Variants in TJAP1 observed in about 807,000 individuals in gnomAD.
TJAP1 encodes tight junction associated protein 1.
In TJAP1, 27 loss-of-function variants were observed where a neutral mutation model predicts 42.0. The observed-to-expected ratio is 0.64, with a 90% CI of 0.47 to 0.89. The LOEUF (loss-of-function observed/expected upper bound fraction) is 0.89, where lower values mean the gene tolerates loss of function less well. Among genes scored for constraint, TJAP1 ranks in the 40% least tolerant of loss-of-function variants. TJAP1 has a pLI of 0.00. For synonymous variants in TJAP1, 257 were observed against 288.4 expected, an observed-to-expected ratio of 0.89 and a Z score of 1.10; for missense variants, 712 against 726.9, an observed-to-expected ratio of 0.98 and a Z score of 0.24.
In TJAP1 at chr6:43,505,048, G is replaced by T. The variant is rs765524756; in HGVS notation, c.867G>T (p.Gly289=). The T allele has an allele frequency of 6.2e-7, 1 of 1,614,034 alleles. No homozygotes were observed. Among genetic ancestry groups the T allele is most frequent in the Admixed American group, 1.7e-5 (1 of 60,020 alleles). The stretch of plus-strand genomic sequence containing the variant: ...GCAGCCCCACCCCACAACCCAATGG[G>T]GAGTGCCACTCTCTGGGTACTGCCA... The change falls in exon 11 of 11, where the codon GGG becomes GGT. Residue 289 remains glycine, a synonymous_variant. Transcript: ENST00000372449. The surrounding 1 kb of genome is among the most constrained non-coding windows in gnomAD (Gnocchi z 5.5).
At chr6:43,501,290 A>C (rs1790454179) in intron 5 of TJAP1, 2 of 535,584 alleles carry the variant, frequency 3.7e-6, no homozygotes, top group Non-Finnish European at 6.6e-6. Flanking sequence ...GGGAGGCTGG[A>C]CTGTCCCCTA....
Position 43,502,076 on chromosome 6 carries a change from A to ACACTCTCTCT in TJAP1, c.291-206_291-205insACTCTCTCTC, listed in dbSNP as rs767085594. 4.1e-4 allele frequency among the ~76,000 whole-genome samples: 28 copies of ACACTCTCTCT among 68,956 alleles called. 4 individuals carry two copies. The highest frequency in any genetic ancestry group is 1.4e-3 in the African/African-American group (19 of 13,116). 45.2% of individuals were successfully genotyped at this position (68,956 alleles called of 152,430 possible). A position where few individuals can be genotyped will look rare whatever the true frequency, so the allele number is the denominator to read the frequency against. On this transcript the variant is annotated intron_variant, in intron 6 of 10. Transcript: ENST00000372449. Reference sequence around the variant, plus strand: ...CACACACACACACACACACACACACACTCTCTCTCTCTCTCTCTCTCTCTC... The same window carrying ACACTCTCTCT: ...CACACACACACACACACACACACACACACTCTCTCTCTCTCTCTCTCTCTCTCTCTCTCTC...
chr6:43,492,250 T>G lies in TJAP1; in HGVS notation c.-121-5631T>G, dbSNP rs1787974451. On this transcript the variant is annotated intron_variant, in intron 2 of 10. Transcript: ENST00000372449. This position sits in a 1 kb window ranked among gnomAD's most constrained non-coding sequence, Gnocchi z 4.2. ...GGGGCAGAATAATTCCCACTCTTTT[T>G]GGCTTTCAAAACCCTGTCAATCTGT... is the stretch of plus-strand genomic sequence containing the variant. 6.6e-6 allele frequency among the ~76,000 whole-genome samples: 1 copy of G among 152,194 alleles called. No homozygotes were observed. Among genetic ancestry groups the G allele is most frequent in the South Asian group, 2.1e-4 (1 of 4,832 alleles).
At chr6:43,497,439 G>C (rs542292566) in intron 2 of TJAP1, 1 of 152,354 alleles carries the variant, frequency 6.6e-6, no homozygotes, top group African/African-American at 2.4e-5. Context: ...GAAATGCTAG[G>C]TGCTCTCTTT....
Position 43,478,961 on chromosome 6 carries a change from A to C in TJAP1, c.-122+729A>C, listed in dbSNP as rs1784765086. Among the ~76,000 whole-genome samples, 3 of 152,162 alleles carry C rather than the reference A, an allele frequency of 2.0e-5. No homozygotes were observed. In the South Asian group the frequency reaches 6.2e-4, roughly 31 times the overall value. On this transcript the variant is annotated intron_variant, in intron 2 of 10. Coordinates refer to ENST00000372449, the Ensembl canonical transcript of TJAP1. ...GGTGATGCAAAGAAAGGATCATGGA[A>C]CTTGCTCTTTTCTTTTCTGGTAGTT...
Position 43,503,714 on chromosome 6 carries a change from G to C in TJAP1, c.579+8G>C. The C allele has an allele frequency of 6.2e-7, 1 of 1,612,498 alleles. No homozygotes were observed. The highest frequency in any genetic ancestry group is 8.5e-7 in the Non-Finnish European group (1 of 1,178,524). On this transcript the variant is annotated splice_region_variant and intron_variant, in intron 10 of 10. Transcript: ENST00000372449. ...AACCACAAGTTTGCCGATGTGAGTA[G>C]AACTCACCCCCTCCCTGCCCACATA...
At position 43,502,713 on chromosome 6, in the gene TJAP1, G is replaced by A. The variant is rs1791232519; in HGVS notation, c.387+96G>A. ...CCCTGGCTGTTACCCTGTGCCCCTT[G>A]AGTACACCCGCTCCTTTCTCTTCCC... On this transcript the variant is annotated intron_variant, in intron 8 of 10. Coordinates refer to ENST00000372449, the Ensembl canonical transcript of TJAP1. 3.0e-6 allele frequency: 4 copies of A among 1,312,068 alleles called. No homozygotes were observed. In the East Asian group the frequency reaches 1.0e-4, roughly 33 times the overall value. 81.3% of individuals were successfully genotyped at this position (1,312,068 alleles called of 1,614,324 possible).
In TJAP1 at chr6:43,501,909, ACACACACACACACACACACTCTCTCT is replaced by A. The variant is rs1168157537; in HGVS notation, c.290+224_290+249del. Among the ~76,000 whole-genome samples, 138 of 126,872 alleles carry A rather than the reference ACACACACACACACACACACTCTCTCT, an allele frequency of 1.1e-3. 1 individual carries two copies. Among genetic ancestry groups the A allele is most frequent in the African/African-American group, 3.7e-3 (122 of 32,870 alleles). 83.2% of individuals were successfully genotyped at this position (126,872 alleles called of 152,430 possible). On this transcript the variant is annotated intron_variant, in intron 6 of 10. Transcript: ENST00000372449. ...TGCGGGGCCACACACACACACACAC[ACACACACACACACACACACTCTCTCT>A]CTCTCTCTCTCTCTCTCTCTCCTTT...
chr6:43,484,090 A>T (rs574164005), intron 2 of TJAP1, among the ~76,000 whole-genome samples: 39 of 152,206 alleles, frequency 2.6e-4, no homozygotes, highest in Admixed American at 2.3e-3. Context: ...AACAAAAAAA[A>T]AAATAAAATA....
chr6:43,503,356 G>T (rs986995626), intron 8 of TJAP1, 45 bp from the exon 9 acceptor site: 10 of 1,494,552 alleles, frequency 6.7e-6, no homozygotes, highest in Non-Finnish European at 9.3e-6. Flanking sequence ...GAGAGGAAGG[G>T]CTGGCTAGAG....
Position 43,505,735 on chromosome 6 carries a change from G to T in TJAP1, c.1554G>T (p.Arg518Ser), listed in dbSNP as rs1371723052. The change falls in exon 11 of 11, where the codon AGG becomes AGT. Residue 518 changes from arginine (R) to serine (S), a missense_variant. Transcript: ENST00000372449. The surrounding 1 kb of genome is among the most constrained non-coding windows in gnomAD (Gnocchi z 5.5). ...CAGGCACTTCCCACACCGAGGGCAG[G>T]GCCTGGCCACTCCCCAGCTCCAGTC... The T allele has an allele frequency of 2.6e-6, 4 of 1,542,180 alleles. No homozygotes were observed. The highest frequency in any genetic ancestry group is 1.3e-5 in the South Asian group (1 of 79,710).
At chr6:43,490,097 C>G (rs9472066) in intron 2 of TJAP1, among the ~76,000 whole-genome samples, 12,021 of 152,270 alleles carry the variant, frequency 0.079, 986 homozygotes, top group African/African-American at 0.2. Flanking sequence ...CTCCATCCTT[C>G]CCCGCAGCCT....
chr6:43,506,095 A>G (rs1158400364), exon 11 of TJAP1: 3 of 390,128 alleles, frequency 7.7e-6, no homozygotes, highest in Non-Finnish European at 1.3e-5. Context: ...CTTCAGAGGT[A>G]ACATGCAGTT....
Position 43,505,248 on chromosome 6 carries a change from A to G in TJAP1, c.1067A>G (p.Gln356Arg). The G allele has an allele frequency of 1.9e-6, 3 of 1,613,838 alleles. No individual in the cohort carries two copies. Among genetic ancestry groups the G allele is most frequent in the Non-Finnish European group, 1.7e-6 (2 of 1,179,918 alleles). Residue 356 changes from glutamine (Q) to arginine (R), a missense_variant, in exon 11 of 11, where the codon CAG (glutamine) becomes CGG (arginine). Coordinates refer to ENST00000372449, the Ensembl canonical transcript of TJAP1. This position sits in a 1 kb window ranked among gnomAD's most constrained non-coding sequence, Gnocchi z 5.5. ...CCCAACTGCACTTACGCTACCCGCC[A>G]GGCCATTTCCCTGAGCCTGGTAGAG...
intron 8 of TJAP1, chr6:43,503,080 A>G (rs887151339): frequency 2.2e-6 from 1 of 463,650 alleles, no homozygotes; most frequent in Non-Finnish European, 3.9e-6. Context: ...CCTGGTTTGC[A>G]GTTACTGCCG....
intron 2 of TJAP1, among the ~76,000 whole-genome samples, chr6:43,487,725 C>G (rs1786843526): frequency 6.6e-6 from 1 of 152,070 alleles, no homozygotes; most frequent in Admixed American, 6.5e-5. Context: ...ACATACATCC[C>G]TTGTGTAAAA....
chr6:43,480,896 GT>G (rs1340281001), intron 2 of TJAP1, among the ~76,000 whole-genome samples: 2 of 152,176 alleles, frequency 1.3e-5, no homozygotes. Context: ...AGGCAGAGTG[GT>G]TAAGTAATTT....
chr6:43,502,138 G>A (rs964605356), intron 6 of TJAP1, 145 bp from the exon 7 acceptor site: 15 of 647,772 alleles, frequency 2.3e-5, no homozygotes, highest in Non-Finnish European at 4.0e-5. Context: ...GCTGGAAGAT[G>A]CCTTAGAGAT....
At chr6:43,498,931 C>G (rs1390633333) in intron 3 of TJAP1, 47 bp from the exon 4 acceptor site, 8 of 1,587,754 alleles carry the variant, frequency 5.0e-6, no homozygotes, top group Non-Finnish European at 2.6e-6. Context: ...AGTCCAGAGT[C>G]CTTCTGGCCA....
Sources: allele counts gnomAD v4.1 joint callset (sites outside exome capture counted in the v4.1 genomes callset), GRCh38; gene constraint gnomAD v4.1.1; non-coding constraint Gnocchi (gnomAD v3.1); transcripts MANE v1.5; gene names NCBI Gene and HGNC (gene_info 2026-07-23, HGNC 2026-07-21).